SCAMP1: variants seen among roughly 807,000 people sequenced by gnomAD.
The protein encoded by SCAMP1 is secretory carrier-associated membrane protein 1.
In SCAMP1, 15 loss-of-function variants were observed where a neutral mutation model predicts 41.8. The ratio of observed to expected loss-of-function variants is 0.36; its 90% CI spans 0.24 to 0.55. The LOEUF (loss-of-function observed/expected upper bound fraction) is 0.55. SCAMP1 is among the 20% of genes least tolerant of loss of function. The pLI is 0.86. For missense variants in SCAMP1, 341 were observed against 412.6 expected (o/e 0.83, Z 1.50); for synonymous variants, 135 against 136.8 (o/e 0.99, Z 0.09).
intron 7 of SCAMP1, chr5:78,457,780 C>G (rs1266784882): frequency 6.2e-6 from 1 of 160,314 alleles, no homozygotes; most frequent in Admixed American, 6.5e-5. Context: ...GCCCCTCCCC[C>G]AGCCTCGCTG....
At position 78,480,111 on chromosome 5, in the gene SCAMP1, C is replaced by T. The variant is rs1228495745; in HGVS notation, c.*4443C>T. On this transcript the variant is annotated 3_prime_UTR_variant, in exon 9 of 9. Transcript: ENST00000621999. ...TTCAAATGGCAAGGGAACATGGGAACTATCATGTGGCAATGTAGTGAGTGT... is the reference window on the plus strand; with the variant it reads ...TTCAAATGGCAAGGGAACATGGGAATTATCATGTGGCAATGTAGTGAGTGT... Among the ~76,000 whole-genome samples, 2 of 152,022 alleles carry T rather than the reference C, an allele frequency of 1.3e-5. No homozygotes were observed.
intron 1 of SCAMP1, among the ~76,000 whole-genome samples, chr5:78,376,097 A>G (rs1227534040): frequency 2.0e-5 from 3 of 152,042 alleles, no homozygotes; most frequent in South Asian, 4.1e-4. Flanking sequence ...TTTGAGGCTC[A>G]GGGGGGCATC....
Position 78,477,318 on chromosome 5 carries a change from T to A in SCAMP1, c.*1650T>A, listed in dbSNP as rs1176337823. ...CAGGTATACTTGGAAGACATTTCTT[T>A]TATTCTTCAGCGTATGAATTTAAAG... is the stretch of plus-strand genomic sequence containing the variant. On this transcript the variant is annotated 3_prime_UTR_variant, in exon 9 of 9. Coordinates refer to ENST00000621999, the MANE Select transcript of SCAMP1 (RefSeq NM_004866.6). 1 of 152,172 alleles carries A rather than the reference T, an allele frequency of 6.6e-6. No homozygotes were observed. The highest frequency in any genetic ancestry group is 2.1e-4 in the South Asian group (1 of 4,832). 9.4% of individuals were successfully genotyped at this position (152,172 alleles called of 1,614,324 possible). A position where few individuals can be genotyped will look rare whatever the true frequency, so the allele number is the denominator to read the frequency against.
At position 78,460,820 on chromosome 5, in the gene SCAMP1, C is replaced by CTTTCTTTCTTTT. The variant is rs1201206613; in HGVS notation, c.852+1458_852+1459insTTTCTTTCTTTT. ...TCCTTCCTTCCTCCCTTCCTTCCTT[C>CTTTCTTTCTTTT]CTTTCTTGTCTTTCCTCTATCTGTC... On this transcript the variant is annotated intron_variant, in intron 8 of 8. Coordinates refer to ENST00000621999, the MANE Select transcript of SCAMP1 (RefSeq NM_004866.6). Among the ~76,000 whole-genome samples the CTTTCTTTCTTTT allele has an allele frequency of 7.1e-5, 2 of 28,172 alleles. 1 individual carries two copies. The highest frequency in any genetic ancestry group is 3.6e-3 in the South Asian group (2 of 554). 18.5% of individuals were successfully genotyped at this position (28,172 alleles called of 152,430 possible).
At chr5:78,375,126 CT>C (rs1561250918) in intron 1 of SCAMP1, among the ~76,000 whole-genome samples, 1 of 152,004 alleles carries the variant, frequency 6.6e-6, no homozygotes, top group Non-Finnish European at 1.5e-5. Flanking sequence ...GGCCTCTCAG[CT>C]TGGGGCATTT....
intron 8 of SCAMP1, among the ~76,000 whole-genome samples, 159 bp downstream of exon 8, chr5:78,459,521 G>T (rs1164837990): frequency 6.6e-6 from 1 of 152,064 alleles, no homozygotes; most frequent in Non-Finnish European, 1.5e-5. Context: ...TTATGCATAA[G>T]TACATTTTAG....
chr5:78,453,775 G>A lies in SCAMP1; in HGVS notation c.734+3741G>A, dbSNP rs949270496. On this transcript the variant is annotated intron_variant, in intron 7 of 8. Transcript: ENST00000621999. ...GCATTGAATCTGTAAATTACCTTGG[G>A]CAGTATGGCCATTTTCACGATATTG... Among the ~76,000 whole-genome samples the A allele has an allele frequency of 3.4e-3, 524 of 151,888 alleles. 6 individuals are homozygous for A. The highest frequency in any genetic ancestry group is 0.012 in the African/African-American group (506 of 41,410).
At chr5:78,385,740 G>A (rs964683318) in intron 1 of SCAMP1, among the ~76,000 whole-genome samples, 1 of 152,016 alleles carries the variant, frequency 6.6e-6, no homozygotes, top group African/African-American at 2.4e-5. Flanking sequence ...TAATTTCCAT[G>A]TATTTTTATG....
intron 6 of SCAMP1, among the ~76,000 whole-genome samples, chr5:78,446,962 A>C (rs1204805768): frequency 6.6e-6 from 1 of 152,232 alleles, no homozygotes; most frequent in Non-Finnish European, 1.5e-5. Flanking sequence ...AAACTGGGCC[A>C]CACAGCAGGA....
At chr5:78,426,456 T>C (rs1752472990) in intron 6 of SCAMP1, among the ~76,000 whole-genome samples, 1 of 152,214 alleles carries the variant, frequency 6.6e-6, no homozygotes, top group Non-Finnish European at 1.5e-5. Context: ...AGCATCTGTT[T>C]CCTGATCTTT....
rs1754099491 is a variant in SCAMP1, at chr5:78,479,953, G to T, written c.*4285G>T. 6.6e-6 allele frequency among the ~76,000 whole-genome samples: 1 copy of T among 152,108 alleles called. No homozygotes were observed. The highest frequency in any genetic ancestry group is 2.4e-5 in the African/African-American group (1 of 41,432). On this transcript the variant is annotated 3_prime_UTR_variant, in exon 9 of 9. Transcript: ENST00000621999. Reference sequence around the variant, plus strand: ...CCCAGCTACTTGGGAGGCTGAGGCAGGAGAATGACGTGAACCTGGGAGGCG... The same window carrying T: ...CCCAGCTACTTGGGAGGCTGAGGCATGAGAATGACGTGAACCTGGGAGGCG...
intron 7 of SCAMP1, among the ~76,000 whole-genome samples, chr5:78,451,572 C>T (rs1216648643): frequency 2.0e-5 from 3 of 152,170 alleles, no homozygotes; most frequent in African/African-American, 7.2e-5. Context: ...TAGTCTACAA[C>T]CTTTGGCTTT....
intron 6 of SCAMP1, among the ~76,000 whole-genome samples, chr5:78,437,685 T>A (rs968481791): frequency 6.6e-5 from 10 of 152,152 alleles, no homozygotes; most frequent in Admixed American, 1.3e-4. Flanking sequence ...TTTTTTTGTG[T>A]GTATCTCTGC....
chr5:78,480,563 G>A lies in SCAMP1; in HGVS notation c.*4895G>A, dbSNP rs959354916. On this transcript the variant is annotated 3_prime_UTR_variant, in exon 9 of 9. Transcript: ENST00000621999. ...ACCAAAAATCAGTGTCTTTTATCTG[G>A]TGATCACTGTGGTATCTACAGTATT... Among the ~76,000 whole-genome samples, 5 of 152,136 alleles carry A rather than the reference G, an allele frequency of 3.3e-5. No individual in the cohort carries two copies. Among genetic ancestry groups the A allele is most frequent in the African/African-American group, 1.2e-4 (5 of 41,418 alleles).
At chr5:78,442,043 T>C (rs1444001927) in intron 6 of SCAMP1, among the ~76,000 whole-genome samples, 1 of 152,046 alleles carries the variant, frequency 6.6e-6, no homozygotes, top group Non-Finnish European at 1.5e-5. Flanking sequence ...GTGGGAGGAT[T>C]GATTGAGCCC....
chr5:78,373,990 G>A (rs1435451401), intron 1 of SCAMP1, among the ~76,000 whole-genome samples: 1 of 152,014 alleles, frequency 6.6e-6, no homozygotes, highest in Non-Finnish European at 1.5e-5. Context: ...GATTAAAGTG[G>A]ACCAAACTCA....
At chr5:78,447,404 G>C (rs1485867691) in intron 6 of SCAMP1, among the ~76,000 whole-genome samples, 3 of 152,242 alleles carry the variant, frequency 2.0e-5, no homozygotes, top group African/African-American at 7.2e-5. Context: ...CAAAAAGGTA[G>C]ACAAATAGAA....
At chr5:78,366,515 A>G (rs1196405297) in intron 1 of SCAMP1, among the ~76,000 whole-genome samples, 1 of 152,154 alleles carries the variant, frequency 6.6e-6, no homozygotes, top group African/African-American at 2.4e-5. Flanking sequence ...TAGTCACCTC[A>G]CAAAGTCTTC....
At chr5:78,386,775 A>G (rs1195342999) in intron 1 of SCAMP1, among the ~76,000 whole-genome samples, 2 of 152,178 alleles carry the variant, frequency 1.3e-5, no homozygotes, top group African/African-American at 4.8e-5. Flanking sequence ...TAAGGAGATT[A>G]AAGGTAGGAC....
Sources: allele counts gnomAD v4.1 joint callset (sites outside exome capture counted in the v4.1 genomes callset), GRCh38; gene constraint gnomAD v4.1.1; transcripts MANE v1.5; gene names NCBI Gene and HGNC (gene_info 2026-07-23, HGNC 2026-07-21).